SCG5: variants seen among roughly 807,000 people sequenced by gnomAD.
The protein encoded by SCG5 is neuroendocrine protein 7B2.
A neutral mutation model predicts 25.7 loss-of-function variants in SCG5; 18 were observed. The ratio of observed to expected loss-of-function variants is 0.70; its 90% CI spans 0.48 to 1.04. The LOEUF (loss-of-function observed/expected upper bound fraction) is 1.04, where lower values mean the gene tolerates loss of function less well. Among genes scored for constraint, SCG5 ranks in the 50% least tolerant of loss-of-function variants. SCG5 has a pLI of 0.00. For missense variants in SCG5, 206 were observed against 259.8 expected (o/e 0.79, Z 1.42); for synonymous variants, 101 against 91.7 (o/e 1.10, Z -0.58).
chr15:32,689,052 A>G (rs2054790877), intron 4 of SCG5, among the ~76,000 whole-genome samples: 1 of 152,102 alleles, frequency 6.6e-6, no homozygotes, highest in Admixed American at 6.5e-5. Context: ...TTTAACCAAC[A>G]AATATAACAT....
intron 2 of SCG5, 69 bp from the exon 3 acceptor site, chr15:32,679,697 T>C: frequency 1.4e-5 from 21 of 1,529,052 alleles, no homozygotes; most frequent in Non-Finnish European, 1.8e-5. Context: ...CTGTGTGATA[T>C]GCCTGAATAA....
intron 2 of SCG5, among the ~76,000 whole-genome samples, chr15:32,662,065 T>C (rs893721814): frequency 6.6e-6 from 1 of 152,260 alleles, no homozygotes; most frequent in African/African-American, 2.4e-5. Context: ...TATCCTATTA[T>C]ATGTTTATGC....
intron 2 of SCG5, among the ~76,000 whole-genome samples, chr15:32,671,800 C>T (rs1328769772): frequency 3.3e-5 from 5 of 152,122 alleles, no homozygotes; most frequent in Non-Finnish European, 1.5e-5. Context: ...CTGGTGCCTG[C>T]GGCCGGTGTC....
At chr15:32,666,521 T>C (rs2054320698) in intron 2 of SCG5, 1 of 152,236 alleles carries the variant, frequency 6.6e-6, no homozygotes, top group Non-Finnish European at 1.5e-5. Context: ...GAACATTTAT[T>C]AAGTGCTATG....
At position 32,679,748 on chromosome 15, in the gene SCG5, C is replaced by T. The variant is rs757648143; in HGVS notation, c.227-18C>T. On this transcript the variant is annotated intron_variant, in intron 2 of 5. Coordinates refer to ENST00000300175, the MANE Select transcript of SCG5 (RefSeq NM_001144757.3). ...AATTGAATTGCACTGCAATGAACTA[C>T]TTCTGATTCCCTCGCAGGTGGAGCT... 6.8e-6 allele frequency: 11 copies of T among 1,613,610 alleles called. No homozygotes were observed. The highest frequency in any genetic ancestry group is 9.3e-6 in the Non-Finnish European group (11 of 1,179,582).
chr15:32,657,220 T>TATATATATATATATATATATATA (rs71113464), intron 2 of SCG5, among the ~76,000 whole-genome samples: 120 of 106,488 alleles, frequency 1.1e-3, no homozygotes, highest in Non-Finnish European at 1.7e-3. Flanking sequence ...TATGTATGTA[T>TATATATATATATATATATATATA]TTCCAGGTGT....
At chr15:32,692,666 C>T (rs910173623) in intron 5 of SCG5, among the ~76,000 whole-genome samples, 3 of 152,162 alleles carry the variant, frequency 2.0e-5, no homozygotes, top group Admixed American at 6.5e-5. Context: ...AACCTAAGCA[C>T]GTACTCAAAG....
intron 2 of SCG5, among the ~76,000 whole-genome samples, chr15:32,657,638 GA>G (rs1330234918): frequency 1.3e-5 from 2 of 152,170 alleles, no homozygotes; most frequent in African/African-American, 4.8e-5. Flanking sequence ...GTGCAGAATT[GA>G]AAAGCTTGCT....
chr15:32,652,250 G>A (rs1013477014), intron 2 of SCG5, among the ~76,000 whole-genome samples: 4 of 152,120 alleles, frequency 2.6e-5, no homozygotes, highest in Admixed American at 2.6e-4. Context: ...GGCAGAGCCG[G>A]CTCTGGGGAG....
chr15:32,692,861 C>T (rs2054883966), intron 5 of SCG5, among the ~76,000 whole-genome samples: 1 of 152,156 alleles, frequency 6.6e-6, no homozygotes, highest in Non-Finnish European at 1.5e-5. Flanking sequence ...TTCCAAGCCC[C>T]TGTACTGCCT....
intron 2 of SCG5, among the ~76,000 whole-genome samples, chr15:32,655,080 G>A (rs2054093029): frequency 6.6e-6 from 1 of 152,088 alleles, no homozygotes; most frequent in Non-Finnish European, 1.5e-5. Context: ...AGGCCGAGGC[G>A]GGCGGATCAC....
At chr15:32,643,935 G>A in intron 2 of SCG5, 117 bp downstream of exon 2, 1 of 852,420 alleles carries the variant, frequency 1.2e-6, no homozygotes, top group Non-Finnish European at 1.8e-6. Context: ...TTTTTCAGAG[G>A]AGGAAGCTAA....
In SCG5 at chr15:32,643,770, T is replaced by C; in HGVS notation, c.178T>C (p.Tyr60His). 6.2e-7 allele frequency: 1 copy of C among 1,613,952 alleles called. No individual in the cohort carries two copies. Among genetic ancestry groups the C allele is most frequent in the Non-Finnish European group, 8.5e-7 (1 of 1,179,888 alleles). Residue 60 changes from tyrosine (Y) to histidine (H), a missense_variant, in exon 2 of 6, where the codon TAT becomes CAT. By Grantham distance (83) the Tyr-to-His change is moderately conservative. Transcript: ENST00000300175. ...QLGIARPRVE[Y>H]PAHQAMNLVG... ...GGGCATTGCCAGGCCCCGAGTGGAA[T>C]ATCCAGCTCACCAGGCCATGAATCT...
At chr15:32,652,912 A>G (rs1318297841) in intron 2 of SCG5, among the ~76,000 whole-genome samples, 1 of 152,244 alleles carries the variant, frequency 6.6e-6, no homozygotes, top group Non-Finnish European at 1.5e-5. Context: ...TTGTAGATCA[A>G]AAGATCTAAA....
chr15:32,669,447 A>G (rs1167443185), intron 2 of SCG5, among the ~76,000 whole-genome samples: 2 of 152,204 alleles, frequency 1.3e-5, no homozygotes. Context: ...TATTTTTTCA[A>G]TAATAACTGA....
chr15:32,682,084 A>G (rs963664794), intron 3 of SCG5, among the ~76,000 whole-genome samples: 1 of 152,174 alleles, frequency 6.6e-6, no homozygotes, highest in African/African-American at 2.4e-5. Flanking sequence ...GACAGTCTCC[A>G]TTGTTAAGTC....
At chr15:32,688,464 C>A (rs530027980) in intron 4 of SCG5, among the ~76,000 whole-genome samples, 1 of 152,162 alleles carries the variant, frequency 6.6e-6, no homozygotes, top group Non-Finnish European at 1.5e-5. Flanking sequence ...CATTCCTGAC[C>A]TTAACATGTT....
In SCG5 at chr15:32,651,114, G is replaced by T. The variant is rs368617846; in HGVS notation, c.226+7296G>T. On this transcript the variant is annotated intron_variant, in intron 2 of 5. Transcript: ENST00000300175. Reference sequence around the variant, plus strand: ...CTCGGGAGGCTGAGGCAGGAGAATCGCTTGAACCCTAAAGGCAGAGATTGC... The same window carrying T: ...CTCGGGAGGCTGAGGCAGGAGAATCTCTTGAACCCTAAAGGCAGAGATTGC... Among the ~76,000 whole-genome samples, 498 of 152,260 alleles carry T rather than the reference G, an allele frequency of 3.3e-3. 1 individual carries two copies. The highest frequency in any genetic ancestry group is 0.011 in the African/African-American group (460 of 41,542).
intron 5 of SCG5, chr15:32,692,048 G>A: frequency 3.9e-6 from 5 of 1,297,776 alleles, no homozygotes; most frequent in Non-Finnish European, 4.9e-6. Flanking sequence ...CCCCATCAGT[G>A]TGGGACATAT....
Sources: allele counts gnomAD v4.1 joint callset (sites outside exome capture counted in the v4.1 genomes callset), GRCh38; gene constraint gnomAD v4.1.1; transcripts MANE v1.5; gene names NCBI Gene and HGNC (gene_info 2026-07-23, HGNC 2026-07-21).